The following HYCC1 variants were observed in gnomAD, a reference collection of about 807,000 sequenced individuals.
HYCC1 encodes hyccin.
At chr7:22,913,237 T>C in the HYCC1 span, among the ~76,000 whole-genome samples, 1 of 152,230 alleles carries the variant, frequency 6.6e-6, no homozygotes, top group Non-Finnish European at 1.5e-5. Flanking sequence ...TGGATCAGAC[T>C]GCAGAGCAAT....
chr7:22,936,376 A>C, the HYCC1 span: 18 of 152,204 alleles, frequency 1.2e-4, no homozygotes, highest in African/African-American at 4.3e-4. Context: ...GTATTGTTGA[A>C]GTTCCTGTGT....
At chr7:23,012,321 G>T in the HYCC1 span, among the ~76,000 whole-genome samples, 1 of 152,102 alleles carries the variant, frequency 6.6e-6, no homozygotes, top group African/African-American at 2.4e-5. Context: ...TCATAAAACA[G>T]AAATACAACA....
chr7:23,010,431 C>T, the HYCC1 span, among the ~76,000 whole-genome samples: 3 of 152,254 alleles, frequency 2.0e-5, no homozygotes, highest in South Asian at 4.1e-4. Flanking sequence ...ACCATGGCTG[C>T]ACACTGGAAT....
At chr7:22,968,635 T>C in the HYCC1 span, among the ~76,000 whole-genome samples, 1 of 152,276 alleles carries the variant, frequency 6.6e-6, no homozygotes, top group Admixed American at 6.5e-5. Context: ...TCACCCCCTT[T>C]GCTGGATGTT....
At chr7:22,921,635 G>A in the HYCC1 span, among the ~76,000 whole-genome samples, 3 of 152,094 alleles carry the variant, frequency 2.0e-5, no homozygotes, top group East Asian at 1.9e-4. Flanking sequence ...AGTTCCACAC[G>A]GCTCCCCACA....
chr7:22,919,682 CA>C, the HYCC1 span, among the ~76,000 whole-genome samples: 754 of 150,850 alleles, frequency 5.0e-3, 7 homozygotes, highest in African/African-American at 0.017. Context: ...TAGAGGGGCT[CA>C]ACTAAACTAG....
At chr7:22,930,093 C>CA in the HYCC1 span, among the ~76,000 whole-genome samples, 8 of 146,166 alleles carry the variant, frequency 5.5e-5, no homozygotes, top group Non-Finnish European at 6.0e-5. Flanking sequence ...ATCGCAAGGA[C>CA]AAAAAACCAA....
the HYCC1 span, among the ~76,000 whole-genome samples, chr7:22,968,429 T>C: frequency 2.0e-5 from 3 of 152,160 alleles, no homozygotes; most frequent in South Asian, 6.2e-4. Flanking sequence ...CTTGAACACA[T>C]TGGAAACATA....
At chr7:22,971,728 C>A in the HYCC1 span, among the ~76,000 whole-genome samples, 1 of 147,376 alleles carries the variant, frequency 6.8e-6, no homozygotes, top group Non-Finnish European at 1.5e-5. Flanking sequence ...GAGGAAAAGA[C>A]CAGGAGAATA....
the HYCC1 span, chr7:22,991,070 T>C: frequency 2.5e-6 from 4 of 1,606,558 alleles, no homozygotes; most frequent in African/African-American, 1.3e-5. Context: ...CCTTAAACTC[T>C]GACAACCATT....
chr7:22,923,386 T>G, the HYCC1 span, among the ~76,000 whole-genome samples: 5 of 152,170 alleles, frequency 3.3e-5, no homozygotes. Context: ...TATCCAAACT[T>G]GTTGGACATG....
At chr7:22,995,195 C>A in the HYCC1 span, among the ~76,000 whole-genome samples, 3 of 152,102 alleles carry the variant, frequency 2.0e-5, no homozygotes, top group Non-Finnish European at 4.4e-5. Context: ...CCTCCTTCAA[C>A]CATCCACCCA....
At chr7:22,975,667 C>T in the HYCC1 span, among the ~76,000 whole-genome samples, 2 of 152,238 alleles carry the variant, frequency 1.3e-5, no homozygotes, top group South Asian at 2.1e-4. Flanking sequence ...TCAATTTAAA[C>T]GTTATTCAGC....
At chr7:22,964,212 G>T in the HYCC1 span, among the ~76,000 whole-genome samples, 1 of 151,938 alleles carries the variant, frequency 6.6e-6, no homozygotes, top group African/African-American at 2.4e-5. Context: ...TAGTTGGTTA[G>T]AAATTCTTCA....
the HYCC1 span, among the ~76,000 whole-genome samples, chr7:22,916,845 CG>C: frequency 6.6e-6 from 1 of 152,294 alleles, no homozygotes. Context: ...TGCCTTAACT[CG>C]GGCCCTCACT....
chr7:22,930,375 TAAAAAG>T, the HYCC1 span, among the ~76,000 whole-genome samples: 14 of 84,240 alleles, frequency 1.7e-4, no homozygotes, highest in African/African-American at 6.9e-4. Context: ...AGAAACAAAG[TAAAAAG>T]AAAAAGAAAA....
the HYCC1 span, among the ~76,000 whole-genome samples, chr7:22,896,158 A>G: frequency 2.6e-5 from 4 of 152,358 alleles, no homozygotes; most frequent in South Asian, 4.1e-4. Flanking sequence ...TTGTATAATT[A>G]CTTAAAAAAA....
the HYCC1 span, among the ~76,000 whole-genome samples, chr7:22,960,992 G>T: frequency 6.6e-6 from 1 of 152,118 alleles, no homozygotes; most frequent in African/African-American, 2.4e-5. Context: ...CGGAGGTTGC[G>T]GAGAGCCGAG....
At chr7:22,994,436 A>G in the HYCC1 span, among the ~76,000 whole-genome samples, 3 of 152,168 alleles carry the variant, frequency 2.0e-5, no homozygotes, top group Non-Finnish European at 4.4e-5. Context: ...GTCGGTTCTG[A>G]TAACAGTCTG....
Sources: gnomAD v4.1 joint callset for allele counts (sites outside exome capture counted in the v4.1 genomes callset) on GRCh38, gnomAD v4.1.1 for gene constraint, MANE v1.5 for transcripts, NCBI Gene and HGNC (gene_info 2026-07-23, HGNC 2026-07-21) for gene names.